RP1: variants seen among roughly 807,000 people sequenced by gnomAD.
RP1 encodes RP1 axonemal microtubule associated, also known as oxygen-regulated protein 1.
A neutral mutation model predicts 14.8 loss-of-function variants in RP1; 16 were observed. That is an observed-to-expected ratio of 1.08 (90% confidence interval 0.73 to 1.65). RP1 has a LOEUF of 1.65. Ranked by LOEUF, RP1 falls within the 40% of genes most tolerant of loss-of-function variation. RP1 has a pLI of 0.00. For synonymous variants in RP1, 876 were observed against 883.6 expected (o/e 0.99, Z 0.15); for missense variants, 2,631 against 2,535.0 (o/e 1.04, Z -0.81).
chr8:54,745,731 C>T (rs777440269), intron 19 of RP1, among the ~76,000 whole-genome samples: 2 of 150,498 alleles, frequency 1.3e-5, no homozygotes, highest in African/African-American at 2.5e-5. Context: ...AAAATGAATG[C>T]ATGTTTCAGT....
intron 3 of RP1, among the ~76,000 whole-genome samples, chr8:54,624,051 C>T (rs1008769052): frequency 6.6e-6 from 1 of 152,034 alleles, no homozygotes; most frequent in African/African-American, 2.4e-5. Context: ...TTCTCTGAAC[C>T]TCCACATTGA....
rs1189769414 is a variant in RP1, at chr8:54,628,630, T to C, written c.4748T>C (p.Ile1583Thr). Residue 1583 changes from isoleucine (I) to threonine (T), a missense_variant, in exon 4 of 4, where the codon ATC becomes ACC. Coordinates refer to ENST00000220676, the MANE Select transcript of RP1 (RefSeq NM_006269.2). ...SESSPDLKKC[I>T]KSPVTSDWSD... ...TCCTCTCCTGATTTAAAAAAATGCATCAAAAGTCCAGTGACTTCTGATTGG... is the reference window on the plus strand; with the variant it reads ...TCCTCTCCTGATTTAAAAAAATGCACCAAAAGTCCAGTGACTTCTGATTGG... The C allele has an allele frequency of 1.2e-6, 2 of 1,613,900 alleles. No homozygotes were observed.
intron 19 of RP1, among the ~76,000 whole-genome samples, chr8:54,753,879 C>T (rs1809436129): frequency 6.6e-6 from 1 of 152,110 alleles, no homozygotes; most frequent in South Asian, 2.1e-4. Flanking sequence ...AATAAGCCAT[C>T]TGAGAAATGG....
chr8:54,611,334 A>T (rs564981393), upstream of RP1, among the ~76,000 whole-genome samples: 1 of 152,116 alleles, frequency 6.6e-6, no homozygotes, highest in East Asian at 1.9e-4. Context: ...TGTGTATGTT[A>T]TTCTAGTTGA....
At chr8:54,805,186 T>A (rs143489914) in intron 24 of RP1, among the ~76,000 whole-genome samples, 8 of 152,314 alleles carry the variant, frequency 5.3e-5, no homozygotes, top group Admixed American at 1.3e-4. Flanking sequence ...TTTATAAACA[T>A]CCCTGATTAT....
intron 12 of RP1, among the ~76,000 whole-genome samples, chr8:54,680,950 T>A (rs1461221600): frequency 6.9e-6 from 1 of 145,852 alleles, no homozygotes; most frequent in Non-Finnish European, 1.5e-5. Flanking sequence ...AGAGCGAGAC[T>A]CTGTCTCGGA....
In RP1 at chr8:54,688,919, C is replaced by T. The variant is rs530882838; in HGVS notation, c.1717+8986C>T. 2.5e-4 allele frequency among the ~76,000 whole-genome samples: 38 copies of T among 152,186 alleles called. No individual in the cohort carries two copies. In the South Asian group the frequency reaches 5.4e-3, roughly 22 times the overall value. On this transcript the variant is annotated intron_variant, in intron 12 of 22. Transcript: ENST00000636932. ...ACCTTGGGCAGTATGGCCATTTTCACGATATTGATTCTTCCTATCCATGAG... is the reference window on the plus strand; with the variant it reads ...ACCTTGGGCAGTATGGCCATTTTCATGATATTGATTCTTCCTATCCATGAG...
At chr8:54,633,216 G>T (rs1478873404), downstream of RP1, among the ~76,000 whole-genome samples, 1 of 152,070 alleles carries the variant, frequency 6.6e-6, no homozygotes, top group African/African-American at 2.4e-5. Context: ...ATATTTAGTA[G>T]CAAGGAGCAG....
At chr8:54,639,218 A>G (rs1806411816) in intron 3 of RP1, among the ~76,000 whole-genome samples, 1 of 152,188 alleles carries the variant, frequency 6.6e-6, no homozygotes, top group Non-Finnish European at 1.5e-5. Context: ...TTACTTAGCA[A>G]AATGATTTTG....
At chr8:54,724,252 TA>T (rs1310630454) in intron 16 of RP1, among the ~76,000 whole-genome samples, 2 of 152,238 alleles carry the variant, frequency 1.3e-5, no homozygotes, top group African/African-American at 4.8e-5. Context: ...TATATGGGTT[TA>T]AAACATATAT....
chr8:54,581,746 C>T (rs1804796455), intron 1 of RP1, among the ~76,000 whole-genome samples: 1 of 152,218 alleles, frequency 6.6e-6, no homozygotes, highest in Non-Finnish European at 1.5e-5. Context: ...TTGCATTTCT[C>T]TGATGGCCAG....
intron 22 of RP1, among the ~76,000 whole-genome samples, chr8:54,766,069 G>T (rs987546534): frequency 6.6e-6 from 1 of 152,116 alleles, no homozygotes; most frequent in African/African-American, 2.4e-5. Context: ...GGAATCTCAA[G>T]CTGGAAGAAA....
chr8:54,653,550 CAT>C (rs751113861), intron 5 of RP1, among the ~76,000 whole-genome samples: 8 of 152,260 alleles, frequency 5.3e-5, no homozygotes, highest in African/African-American at 1.9e-4. Flanking sequence ...TGAGTTTTAA[CAT>C]GTGGAAGAAT....
chr8:54,625,392 T>C lies in RP1; in HGVS notation c.1510T>C (p.Ser504Pro), dbSNP rs530033470. The part of the protein sequence containing the change: ...NKSEYHMFTH[S>P]CSKMSSVSNK... ...GTCTGAGTATCACATGTTTACACAT[T>C]CTTGCAGTAAAATGTCATCAGTATC... The change falls in exon 4 of 4, where the codon TCT becomes CCT. Residue 504 changes from serine to proline, a missense_variant. Transcript: ENST00000220676. 107 of 1,613,954 alleles carry C rather than the reference T, an allele frequency of 6.6e-5. No homozygotes were observed. Among genetic ancestry groups the C allele is most frequent in the Non-Finnish European group, 8.9e-5 (105 of 1,180,042 alleles).
intron 24 of RP1, among the ~76,000 whole-genome samples, chr8:54,803,080 T>C (rs1353978631): frequency 6.6e-6 from 1 of 152,214 alleles, no homozygotes; most frequent in Non-Finnish European, 1.5e-5. Flanking sequence ...TTTACCCTTT[T>C]TGTGAGTATT....
intron 26 of RP1, among the ~76,000 whole-genome samples, chr8:54,856,127 T>C (rs1812192053): frequency 3.9e-5 from 6 of 152,138 alleles, no homozygotes; most frequent in Admixed American, 2.6e-4. Context: ...GTAATGAAAA[T>C]GAACAAGACG....
chr8:54,715,286 A>G (rs1488415398), intron 15 of RP1, among the ~76,000 whole-genome samples: 1 of 152,182 alleles, frequency 6.6e-6, no homozygotes, highest in Non-Finnish European at 1.5e-5. Flanking sequence ...GATGTGTAGG[A>G]AGGCGCACCT....
At chr8:54,817,934 C>T (rs1456533271) in intron 24 of RP1, among the ~76,000 whole-genome samples, 1 of 152,172 alleles carries the variant, frequency 6.6e-6, no homozygotes, top group East Asian at 1.9e-4. Flanking sequence ...CACAAAGGAA[C>T]TATGAAAGCA....
At chr8:54,590,505 G>A (rs1156395358) in intron 1 of RP1, among the ~76,000 whole-genome samples, 1 of 152,046 alleles carries the variant, frequency 6.6e-6, no homozygotes, top group Non-Finnish European at 1.5e-5. Context: ...CCTCCTCAAA[G>A]CTCTCAGGAC....
Sources: allele counts gnomAD v4.1 joint callset (sites outside exome capture counted in the v4.1 genomes callset), GRCh38; gene constraint gnomAD v4.1.1; transcripts MANE v1.5; gene names NCBI Gene and HGNC (gene_info 2026-07-23, HGNC 2026-07-21).